SLC14A2: variants seen among roughly 807,000 people sequenced by gnomAD.
SLC14A2 encodes solute carrier family 14 member 2.
Under a neutral mutation model 104.6 loss-of-function variants are expected in SLC14A2, and 91 were observed. That is an observed-to-expected ratio of 0.87 (90% confidence interval 0.73 to 1.04). SLC14A2 has a LOEUF of 1.04. Among genes scored for constraint, SLC14A2 ranks in the 50% least tolerant of loss-of-function variants. The pLI is 0.00. For missense variants in SLC14A2, 1,189 were observed against 1,156.0 expected, an observed-to-expected ratio of 1.03 and a Z score of -0.41; for synonymous variants, 476 against 466.4, an observed-to-expected ratio of 1.02 and a Z score of -0.27.
At chr18:45,233,021 C>T (rs1246520432) in intron 1 of SLC14A2, among the ~76,000 whole-genome samples, 3 of 152,176 alleles carry the variant, frequency 2.0e-5, no homozygotes, top group Non-Finnish European at 4.4e-5. Flanking sequence ...GAATCTCATT[C>T]CTTTTGGGTG....
intron 1 of SLC14A2, among the ~76,000 whole-genome samples, chr18:45,260,536 A>T (rs2084525168): frequency 6.6e-6 from 1 of 152,180 alleles, no homozygotes; most frequent in Non-Finnish European, 1.5e-5. Flanking sequence ...ACTATTCACA[A>T]TAGAAAAGAC....
intron 1 of SLC14A2, among the ~76,000 whole-genome samples, chr18:45,365,041 C>A (rs1393145279): frequency 6.6e-6 from 1 of 152,146 alleles, no homozygotes; most frequent in Non-Finnish European, 1.5e-5. Context: ...GTCGAGGAAT[C>A]CTCTCTGATT....
intron 3 of SLC14A2, 50 bp downstream of exon 3, chr18:45,625,913 G>A (rs1187494323): frequency 1.5e-6 from 2 of 1,320,972 alleles, no homozygotes; most frequent in Non-Finnish European, 9.9e-7. Context: ...AGGCCAGAGA[G>A]ACAACCCTCT....
chr18:45,473,334 TG>T (rs1216115119), intron 1 of SLC14A2, among the ~76,000 whole-genome samples: 2 of 152,244 alleles, frequency 1.3e-5, no homozygotes, highest in Non-Finnish European at 2.9e-5. Flanking sequence ...TTGTTCTTTT[TG>T]CTTAGGATTG....
intron 18 of SLC14A2, among the ~76,000 whole-genome samples, chr18:45,674,891 G>C (rs1407012763): frequency 6.6e-6 from 1 of 152,174 alleles, no homozygotes; most frequent in African/African-American, 2.4e-5. Context: ...GAGAGTGAAG[G>C]CCACTTGAAA....
At chr18:45,195,788 T>A in the SLC14A2 span, among the ~76,000 whole-genome samples, 1 of 151,856 alleles carries the variant, frequency 6.6e-6, no homozygotes, top group Non-Finnish European at 1.5e-5. Flanking sequence ...TCTTAAAATA[T>A]AATAGAATAG....
chr18:45,294,162 T>C (rs1270224609), intron 1 of SLC14A2, among the ~76,000 whole-genome samples: 2 of 152,226 alleles, frequency 1.3e-5, no homozygotes, highest in African/African-American at 2.4e-5. Flanking sequence ...AATGTAAATA[T>C]GTATTAAAAT....
the SLC14A2 span, among the ~76,000 whole-genome samples, chr18:45,183,098 C>T: frequency 6.6e-6 from 1 of 152,266 alleles, no homozygotes; most frequent in East Asian, 1.9e-4. Context: ...TCCATCTGTT[C>T]ATAAGCCCAA....
chr18:45,538,850 C>CTT (rs61475766), intron 2 of SLC14A2, among the ~76,000 whole-genome samples: 2,859 of 105,184 alleles, frequency 0.027, 38 homozygotes, highest in African/African-American at 0.028. Flanking sequence ...TCCCCCTTCC[C>CTT]TTTTTTTTTT....
chr18:45,280,183 G>T (rs905883422), intron 1 of SLC14A2, among the ~76,000 whole-genome samples: 1 of 152,186 alleles, frequency 6.6e-6, no homozygotes, highest in Non-Finnish European at 1.5e-5. Flanking sequence ...GCAGAGGTAA[G>T]ATTTGAAAGG....
chr18:45,445,983 A>G (rs1033782317), intron 1 of SLC14A2, among the ~76,000 whole-genome samples: 37 of 152,218 alleles, frequency 2.4e-4, no homozygotes, highest in African/African-American at 8.7e-4. Flanking sequence ...AAGCAAAGAC[A>G]TTAAAGCCTT....
At chr18:45,613,543 G>C (rs544823608), upstream of SLC14A2, among the ~76,000 whole-genome samples, 1 of 152,324 alleles carries the variant, frequency 6.6e-6, no homozygotes, top group South Asian at 2.1e-4. Context: ...CCAAAATGCT[G>C]ATAGTGATAT....
the SLC14A2 span, among the ~76,000 whole-genome samples, chr18:45,192,421 C>T: frequency 6.6e-6 from 1 of 152,026 alleles, no homozygotes; most frequent in Non-Finnish European, 1.5e-5. Flanking sequence ...TTTTTATTTG[C>T]CTTGAGTAAT....
chr18:45,547,534 C>G (rs769718639), intron 2 of SLC14A2, among the ~76,000 whole-genome samples: 3 of 152,188 alleles, frequency 2.0e-5, no homozygotes, highest in Non-Finnish European at 4.4e-5. Flanking sequence ...GCTTCACTGC[C>G]TATGTTGGAA....
intron 2 of SLC14A2, among the ~76,000 whole-genome samples, chr18:45,503,429 T>C (rs956012614): frequency 7.2e-5 from 11 of 152,180 alleles, no homozygotes; most frequent in African/African-American, 2.7e-4. Context: ...GCTTAACAAA[T>C]CACACCAACG....
At chr18:45,472,012 T>C (rs2087258822) in intron 1 of SLC14A2, among the ~76,000 whole-genome samples, 2 of 152,154 alleles carry the variant, frequency 1.3e-5, no homozygotes, top group Admixed American at 1.3e-4. Flanking sequence ...TTTCTCCTAA[T>C]GCTATCCTTC....
intron 2 of SLC14A2, among the ~76,000 whole-genome samples, chr18:45,564,320 T>A (rs904631781): frequency 6.6e-6 from 1 of 152,200 alleles, no homozygotes; most frequent in Admixed American, 6.5e-5. Flanking sequence ...TTTAAAAACT[T>A]GTTTCTCTTT....
chr18:45,344,732 G>C (rs918837517), intron 1 of SLC14A2, among the ~76,000 whole-genome samples: 1 of 152,138 alleles, frequency 6.6e-6, no homozygotes, highest in African/African-American at 2.4e-5. Flanking sequence ...GAACCATTAA[G>C]CCTAGTAATA....
At chr18:45,480,664 G>T (rs1007611263) in intron 1 of SLC14A2, among the ~76,000 whole-genome samples, 4 of 152,164 alleles carry the variant, frequency 2.6e-5, no homozygotes. Context: ...TTACATGCCT[G>T]AAAACTCATG....
Sources: gnomAD v4.1 joint callset for allele counts (sites outside exome capture counted in the v4.1 genomes callset) on GRCh38, gnomAD v4.1.1 for gene constraint, MANE v1.5 for transcripts, NCBI Gene and HGNC (gene_info 2026-07-23, HGNC 2026-07-21) for gene names.